PRKG1: variants seen among roughly 807,000 people sequenced by gnomAD.
PRKG1 encodes the protein protein kinase cGMP-dependent 1.
A neutral mutation model predicts 88.1 loss-of-function variants in PRKG1; 35 were observed. That is an observed-to-expected ratio of 0.40 (90% CI 0.30 to 0.53). The LOEUF (loss-of-function observed/expected upper bound fraction) is 0.53, where lower values mean the gene tolerates loss of function less well. Among genes scored for constraint, PRKG1 ranks in the 20% least tolerant of loss-of-function variants. PRKG1 has a pLI of 0.59. For missense variants in PRKG1, 540 were observed against 839.8 expected (o/e 0.64, Z 4.41); for synonymous variants, 303 against 292.5 (o/e 1.04, Z -0.37).
intron 3 of PRKG1, chr10:51,699,074 C>T (rs1211121710): frequency 1.9e-6 from 3 of 1,614,080 alleles, no homozygotes; most frequent in East Asian, 2.2e-5. Context: ...TAACATGTTT[C>T]GAGCTTCCTG....
At chr10:51,976,199 T>A (rs1327418399) in intron 5 of PRKG1, among the ~76,000 whole-genome samples, 1 of 151,964 alleles carries the variant, frequency 6.6e-6, no homozygotes, top group Non-Finnish European at 1.5e-5. Context: ...GAAAATAGTT[T>A]GAGAATTCCT....
In PRKG1 at chr10:51,208,599, G is replaced by A. The variant is rs536549776; in HGVS notation, c.478+55269G>A. On this transcript the variant is annotated intron_variant, in intron 2 of 17. Coordinates refer to ENST00000373980, the MANE Select transcript of PRKG1 (RefSeq NM_006258.4). ...TTATTTCCTTGGATAATGGGAAGGG[G>A]ACTTCAAAATGCAAAAGGCTTAGTG... 2.0e-5 allele frequency among the ~76,000 whole-genome samples: 3 copies of A among 152,230 alleles called. No homozygotes were observed. The East Asian group carries it at 5.8e-4, about 29-fold the overall frequency.
At chr10:51,679,960 A>G (rs1398185124) in intron 3 of PRKG1, among the ~76,000 whole-genome samples, 2 of 144,592 alleles carry the variant, frequency 1.4e-5, no homozygotes, top group African/African-American at 5.2e-5. Context: ...AAAATGAAAA[A>G]CCCCACCTCC....
intron 11 of PRKG1, among the ~76,000 whole-genome samples, chr10:52,271,721 C>G (rs1841734696): frequency 6.6e-6 from 1 of 151,984 alleles, no homozygotes; most frequent in Non-Finnish European, 1.5e-5. Context: ...AAGGAGGTAC[C>G]AGAGTTTCTA....
At chr10:52,272,342 TAAAAGAC>T (rs772640736) in intron 11 of PRKG1, 43 bp from the exon 12 acceptor site, 2 of 1,432,362 alleles carry the variant, frequency 1.4e-6, no homozygotes, top group Non-Finnish European at 1.9e-6. Context: ...TGCACACTTG[TAAAAGAC>T]AGTAATGTTT....
intron 3 of PRKG1, among the ~76,000 whole-genome samples, chr10:51,627,828 C>A (rs1049699022): frequency 2.1e-4 from 30 of 145,216 alleles, no homozygotes; most frequent in African/African-American, 7.0e-4. Flanking sequence ...AAGTCACAAT[C>A]TTCCTCTCCT....
intron 2 of PRKG1, among the ~76,000 whole-genome samples, chr10:51,260,994 G>A (rs1839691041): frequency 6.6e-6 from 1 of 152,110 alleles, no homozygotes; most frequent in Non-Finnish European, 1.5e-5. Flanking sequence ...AACTTAAACT[G>A]GCATATATAA....
chr10:51,677,853 G>T (rs2132361454), intron 3 of PRKG1, among the ~76,000 whole-genome samples: 1 of 152,246 alleles, frequency 6.6e-6, no homozygotes, highest in East Asian at 1.9e-4. Context: ...AGAAGGAGAG[G>T]GAATTGGGCA....
intron 3 of PRKG1, among the ~76,000 whole-genome samples, chr10:51,770,095 T>A (rs921831547): frequency 6.6e-6 from 1 of 152,210 alleles, no homozygotes; most frequent in Non-Finnish European, 1.5e-5. Flanking sequence ...TGTACAAATA[T>A]ACTAACTTCC....
At chr10:51,220,708 A>T (rs902545552) in intron 2 of PRKG1, among the ~76,000 whole-genome samples, 2 of 152,206 alleles carry the variant, frequency 1.3e-5, no homozygotes, top group African/African-American at 4.8e-5. Context: ...ACTTATATCT[A>T]TCTAAGGATC....
chr10:51,368,184 G>A (rs1273119684), intron 2 of PRKG1, among the ~76,000 whole-genome samples: 3 of 151,804 alleles, frequency 2.0e-5, no homozygotes, highest in African/African-American at 7.3e-5. Context: ...TATTACCCAA[G>A]GTATTTCCTT....
chr10:51,641,254 C>G (rs1279732710), intron 3 of PRKG1, among the ~76,000 whole-genome samples: 1 of 152,058 alleles, frequency 6.6e-6, no homozygotes, highest in Non-Finnish European at 1.5e-5. Context: ...CTCAAGAGTT[C>G]ATGAGTGGAG....
chr10:51,993,394 CTT>C (rs1287000030), intron 5 of PRKG1, among the ~76,000 whole-genome samples: 4 of 152,004 alleles, frequency 2.6e-5, no homozygotes, highest in African/African-American at 7.2e-5. Context: ...AAACAAGAAA[CTT>C]TGACGTGAGG....
chr10:52,188,282 ATATATGTG>A (rs1300169364), intron 9 of PRKG1, among the ~76,000 whole-genome samples: 3 of 27,710 alleles, frequency 1.1e-4, no homozygotes, highest in African/African-American at 2.8e-4. Flanking sequence ...ATATATACAT[ATATATGTG>A]TATATATATA....
intron 4 of PRKG1, among the ~76,000 whole-genome samples, chr10:51,822,952 T>A (rs1839786715): frequency 6.6e-6 from 1 of 152,152 alleles, no homozygotes; most frequent in South Asian, 2.1e-4. Context: ...TTCCTGACAC[T>A]ATTTAGTGGG....
chr10:51,154,488 T>C (rs9414830), intron 2 of PRKG1, among the ~76,000 whole-genome samples: 2,839 of 152,054 alleles, frequency 0.019, 92 homozygotes, highest in African/African-American at 0.065. Context: ...ACGATTGGTA[T>C]AAAATGAGAT....
At chr10:51,768,781 C>G (rs1838233309) in intron 3 of PRKG1, among the ~76,000 whole-genome samples, 1 of 152,152 alleles carries the variant, frequency 6.6e-6, no homozygotes, top group Non-Finnish European at 1.5e-5. Context: ...GTGAAGTTAA[C>G]TAGCTTAAAC....
chr10:51,948,326 T>C (rs1288486187), intron 5 of PRKG1, among the ~76,000 whole-genome samples: 2 of 152,204 alleles, frequency 1.3e-5, no homozygotes, highest in Non-Finnish European at 2.9e-5. Flanking sequence ...TATATACTGT[T>C]TATTTTTGCC....
intron 3 of PRKG1, among the ~76,000 whole-genome samples, chr10:51,587,616 A>T (rs184139365): frequency 6.6e-6 from 1 of 152,210 alleles, no homozygotes; most frequent in East Asian, 1.9e-4. Flanking sequence ...GTATAGCTTC[A>T]CATGGTAGGA....
Sources: gnomAD v4.1 joint callset for allele counts (sites outside exome capture counted in the v4.1 genomes callset) on GRCh38, gnomAD v4.1.1 for gene constraint, MANE v1.5 for transcripts, NCBI Gene and HGNC (gene_info 2026-07-23, HGNC 2026-07-21) for gene names.